Variants in CAMK2D observed in about 807,000 individuals in gnomAD.
The protein encoded by CAMK2D is calcium/calmodulin dependent protein kinase II delta.
CAMK2D carries 37 observed loss-of-function variants against 84.0 expected under a neutral mutation model. That is an observed-to-expected ratio of 0.44 (90% CI 0.34 to 0.58). The LOEUF is 0.58. CAMK2D is among the 20% of genes least tolerant of loss of function. The probability of loss-of-function intolerance (pLI) is 0.02; values close to 1 mark genes in which losing one functional copy is unlikely to be tolerated. For synonymous variants in CAMK2D, 202 were observed against 212.5 expected (o/e 0.95, Z 0.43); for missense variants, 448 against 652.5 (o/e 0.69, Z 3.41).
chr4:113,456,425 C>T (rs1235851888), intron 19 of CAMK2D, among the ~76,000 whole-genome samples: 1 of 152,160 alleles, frequency 6.6e-6, no homozygotes, highest in Non-Finnish European at 1.5e-5. Context: ...TTAGTTGTAA[C>T]CGGCCTTCCT....
rs974639296 is a variant in CAMK2D at position 113,661,842 on chromosome 4, C to T, written c.161-70G>A. ...TAATAAAACACAATAAACAGCATAACAAAATGACAAAAGGCCTTTGCATTT... is the reference window on the plus strand; with the variant it reads ...TAATAAAACACAATAAACAGCATAATAAAATGACAAAAGGCCTTTGCATTT... On this transcript the variant is annotated intron_variant, in intron 2 of 20. Coordinates refer to ENST00000511664, the MANE Select transcript of CAMK2D (RefSeq NM_001321571.2). The T allele has an allele frequency of 2.1e-5, 15 of 713,664 alleles. No homozygotes were observed. The African/African-American group carries it at 2.6e-4, about 12-fold the overall frequency. The allele number at this position is 713,664 out of a possible 1,614,324, so 44.2% of individuals were successfully genotyped here.
intron 13 of CAMK2D, among the ~76,000 whole-genome samples, chr4:113,507,151 TATTA>T (rs1201112102): frequency 6.6e-6 from 1 of 152,208 alleles, no homozygotes; most frequent in Non-Finnish European, 1.5e-5. Context: ...TTATTTATAA[TATTA>T]ATTTATTGAA....
At chr4:113,716,870 T>A (rs185114069) in intron 2 of CAMK2D, among the ~76,000 whole-genome samples, 15 of 152,240 alleles carry the variant, frequency 9.9e-5, no homozygotes, top group South Asian at 2.1e-4. Flanking sequence ...TTGGTGCCAT[T>A]TAGGAATATT....
rs11935867 is a variant in CAMK2D at position 113,496,284 on chromosome 4, A to C, written c.1135+4179T>G. On this transcript the variant is annotated intron_variant, in intron 16 of 20. Transcript: ENST00000511664. ...TAGCTGTTTTACTGGAAATTGATTA[A>C]AAATGGAAATGACTATTTCAACAAT... 7.1e-3 allele frequency among the ~76,000 whole-genome samples: 1,086 copies of C among 152,312 alleles called. 22 individuals are homozygous for C. Among genetic ancestry groups the C allele is most frequent in the African/African-American group, 0.025 (1,040 of 41,574 alleles).
At chr4:113,553,928 G>T (rs1241131852) in intron 4 of CAMK2D, among the ~76,000 whole-genome samples, 1 of 152,048 alleles carries the variant, frequency 6.6e-6, no homozygotes, top group Non-Finnish European at 1.5e-5. Flanking sequence ...TTCTTCCTTT[G>T]AATGTGACTG....
At chr4:113,469,440 AC>A (rs1250856898) in intron 16 of CAMK2D, among the ~76,000 whole-genome samples, 6 of 152,234 alleles carry the variant, frequency 3.9e-5, no homozygotes, top group African/African-American at 1.4e-4. Context: ...ATCCTTCTCT[AC>A]CTGGATATTA....
chr4:113,603,611 T>C (rs1303213006), intron 4 of CAMK2D, among the ~76,000 whole-genome samples: 1 of 150,942 alleles, frequency 6.6e-6, no homozygotes, highest in Non-Finnish European at 1.5e-5. Context: ...TGAGTCTATG[T>C]GCAAAAGAGA....
intron 4 of CAMK2D, among the ~76,000 whole-genome samples, chr4:113,597,302 A>T (rs2098931719): frequency 6.6e-6 from 1 of 152,130 alleles, no homozygotes; most frequent in African/African-American, 2.4e-5. Flanking sequence ...CTACATTGAA[A>T]ATCTGTTTTT....
chr4:113,509,127 A>G (rs1009084459), intron 13 of CAMK2D, among the ~76,000 whole-genome samples: 1 of 152,206 alleles, frequency 6.6e-6, no homozygotes, highest in African/African-American at 2.4e-5. Context: ...CATCTTGAAT[A>G]TATCTCAACA....
intron 4 of CAMK2D, among the ~76,000 whole-genome samples, chr4:113,573,533 G>C (rs2098764654): frequency 6.6e-6 from 1 of 152,212 alleles, no homozygotes; most frequent in South Asian, 2.1e-4. Flanking sequence ...AGAATCTGCA[G>C]GTGAAGAGGC....
At chr4:113,543,702 A>G (rs2154192891) in intron 6 of CAMK2D, among the ~76,000 whole-genome samples, 1 of 152,266 alleles carries the variant, frequency 6.6e-6, no homozygotes, top group African/African-American at 2.4e-5. Context: ...TAAACCACCA[A>G]TTCACAAATA....
chr4:113,642,114 T>G (rs1335945415), intron 3 of CAMK2D, among the ~76,000 whole-genome samples: 1 of 152,166 alleles, frequency 6.6e-6, no homozygotes, highest in African/African-American at 2.4e-5. Context: ...CAGATCAATT[T>G]GTAATGCTGA....
intron 2 of CAMK2D, among the ~76,000 whole-genome samples, chr4:113,672,558 T>C (rs1164399002): frequency 6.6e-6 from 1 of 152,058 alleles, no homozygotes; most frequent in Non-Finnish European, 1.5e-5. Context: ...CTAGCAATTA[T>C]AAGAATATCC....
At chr4:113,659,647 A>G in intron 3 of CAMK2D, among the ~76,000 whole-genome samples, 1 of 152,232 alleles carries the variant, frequency 6.6e-6, no homozygotes, top group Non-Finnish European at 1.5e-5. Flanking sequence ...CAACACCTTC[A>G]TCTTAGATTT....
intron 3 of CAMK2D, among the ~76,000 whole-genome samples, chr4:113,636,210 C>T (rs1039318692): frequency 2.6e-4 from 39 of 152,168 alleles, no homozygotes; most frequent in African/African-American, 8.4e-4. Context: ...CACAGTTTCT[C>T]TGGATTTATC....
intron 10 of CAMK2D, among the ~76,000 whole-genome samples, chr4:113,514,488 T>C (rs1351593460): frequency 6.6e-6 from 1 of 152,206 alleles, no homozygotes; most frequent in African/African-American, 2.4e-5. Context: ...TATTTTAATG[T>C]CTTCAATCAC....
At chr4:113,688,803 TAA>T (rs1467470184) in intron 2 of CAMK2D, among the ~76,000 whole-genome samples, 2 of 149,368 alleles carry the variant, frequency 1.3e-5, no homozygotes, top group African/African-American at 4.9e-5. Context: ...TCTGAAAAGC[TAA>T]GAGAGATTTT....
chr4:113,646,545 G>A (rs1006920987), intron 3 of CAMK2D, among the ~76,000 whole-genome samples: 7 of 152,198 alleles, frequency 4.6e-5, no homozygotes, highest in African/African-American at 1.7e-4. Flanking sequence ...GCAAAGGCCT[G>A]CAGGAAGTGA....
chr4:113,708,527 C>T (rs1226360324), intron 2 of CAMK2D, among the ~76,000 whole-genome samples: 3 of 152,116 alleles, frequency 2.0e-5, no homozygotes, highest in Admixed American at 6.5e-5. Flanking sequence ...TTCTCAGATG[C>T]TACAGTAAAA....
Sources: gnomAD v4.1 joint callset for allele counts (sites outside exome capture counted in the v4.1 genomes callset) on GRCh38, gnomAD v4.1.1 for gene constraint, MANE v1.5 for transcripts, NCBI Gene and HGNC (gene_info 2026-07-23, HGNC 2026-07-21) for gene names.